SEMA3A: variants seen among roughly 807,000 people sequenced by gnomAD.
The protein encoded by SEMA3A is semaphorin 3A.
Under a neutral mutation model 97.9 loss-of-function variants are expected in SEMA3A, and 29 were observed. The ratio of observed to expected loss-of-function variants is 0.30; its 90% CI spans 0.22 to 0.40. The LOEUF (loss-of-function observed/expected upper bound fraction) is 0.40. Among genes scored for constraint, SEMA3A ranks in the 10% least tolerant of loss-of-function variants. The probability of loss-of-function intolerance (pLI) is 1.00; values close to 1 mark genes in which losing one functional copy is unlikely to be tolerated. For synonymous variants in SEMA3A, 321 were observed against 323.7 expected, an observed-to-expected ratio of 0.99 and a Z score of 0.09; for missense variants, 763 against 951.3, an observed-to-expected ratio of 0.80 and a Z score of 2.60.
intron 1 of SEMA3A, among the ~76,000 whole-genome samples, chr7:84,438,481 A>C (rs1805190416): frequency 6.6e-6 from 1 of 152,076 alleles, no homozygotes; most frequent in African/African-American, 2.4e-5. Flanking sequence ...TACATAGCTA[A>C]ATTTCACTCA....
At position 84,468,761 on chromosome 7, in the gene SEMA3A, G is replaced by GT. The variant is rs570728778; in HGVS notation, c.-246+23698dup. Among the ~76,000 whole-genome samples, 128 of 151,518 alleles carry GT rather than the reference G, an allele frequency of 8.4e-4. 1 individual carries two copies. The highest frequency in any genetic ancestry group is 3.4e-3 in the Middle Eastern group (1 of 292). ...TGGTGCTAAACGATCTGATTTCCAG[G>GT]TTTTCTAATAAAGATTTATAAGTAT... On this transcript the variant is annotated intron_variant, in intron 1 of 3. Coordinates refer to the SEMA3A transcript ENST00000424555.
intron 1 of SEMA3A, among the ~76,000 whole-genome samples, chr7:84,405,756 C>T (rs1321326997): frequency 6.6e-6 from 1 of 152,176 alleles, no homozygotes; most frequent in Non-Finnish European, 1.5e-5. Context: ...CAAAACCACT[C>T]AACTACATGG....
chr7:84,423,998 G>A (rs894915928), intron 1 of SEMA3A, among the ~76,000 whole-genome samples: 1 of 151,810 alleles, frequency 6.6e-6, no homozygotes, highest in Non-Finnish European at 1.5e-5. Flanking sequence ...AACAATAGAT[G>A]TTGGCATGAA....
chr7:84,156,236 G>A (rs1796841997), intron 1 of SEMA3A, among the ~76,000 whole-genome samples: 1 of 152,110 alleles, frequency 6.6e-6, no homozygotes, highest in African/African-American at 2.4e-5. Flanking sequence ...CTTAGGGTGT[G>A]TATCTGACTA....
chr7:83,999,996 T>A (rs1790375631), intron 12 of SEMA3A, among the ~76,000 whole-genome samples: 1 of 152,140 alleles, frequency 6.6e-6, no homozygotes. Flanking sequence ...TTTAATTTCT[T>A]GTATTTATTT....
At chr7:84,245,283 C>T (rs565471932) in intron 3 of SEMA3A, among the ~76,000 whole-genome samples, 12 of 151,708 alleles carry the variant, frequency 7.9e-5, no homozygotes, top group South Asian at 4.2e-4. Context: ...AGGCTTTGTT[C>T]GTTCCTTTTC....
intron 3 of SEMA3A, among the ~76,000 whole-genome samples, chr7:84,291,476 G>T (rs772182145): frequency 2.0e-5 from 3 of 151,722 alleles, no homozygotes; most frequent in Non-Finnish European, 2.9e-5. Flanking sequence ...TTTTCCTTCT[G>T]CATTGCCAAC....
At position 84,312,943 on chromosome 7, in the gene SEMA3A, CGT is replaced by C. The variant is rs113256291; in HGVS notation, c.-168-5653_-168-5652del. Among the ~76,000 whole-genome samples, 905 of 108,262 alleles carry C rather than the reference CGT, an allele frequency of 8.4e-3. 19 individuals are homozygous for C. Among genetic ancestry groups the C allele is most frequent in the African/African-American group, 0.029 (836 of 28,462 alleles). The allele number at this position is 108,262 out of a possible 152,430, so 71.0% of individuals were successfully genotyped here. On this transcript the variant is annotated intron_variant, in intron 2 of 3. Coordinates refer to the SEMA3A transcript ENST00000424555. The stretch of plus-strand genomic sequence containing the variant: ...ATATACACACACACACACACACACA[CGT>C]ACACACATATATGTTACATATTGTA...
At chr7:83,994,108 C>T (rs911578382) in intron 12 of SEMA3A, among the ~76,000 whole-genome samples, 81 of 150,454 alleles carry the variant, frequency 5.4e-4, no homozygotes, top group Non-Finnish European at 8.1e-4. Context: ...TTGATTGCAT[C>T]GGCTCCTGAG....
chr7:84,169,542 C>A (rs1474824422), intron 1 of SEMA3A, among the ~76,000 whole-genome samples: 1 of 148,212 alleles, frequency 6.7e-6, no homozygotes, highest in South Asian at 2.1e-4. Flanking sequence ...TTATATAATA[C>A]TATATATAAT....
At chr7:83,988,036 G>A (rs1324365868) in intron 12 of SEMA3A, among the ~76,000 whole-genome samples, 1 of 151,864 alleles carries the variant, frequency 6.6e-6, no homozygotes, top group Non-Finnish European at 1.5e-5. Flanking sequence ...TTTTTTCTTG[G>A]CTGCTTCCTC....
At chr7:84,001,269 T>G (rs1456118445) in intron 12 of SEMA3A, among the ~76,000 whole-genome samples, 3 of 151,986 alleles carry the variant, frequency 2.0e-5, no homozygotes, top group Non-Finnish European at 4.4e-5. Context: ...TTAGACTACT[T>G]TAGTTCTCCT....
At chr7:84,389,157 C>G (rs916800908) in intron 1 of SEMA3A, among the ~76,000 whole-genome samples, 2 of 151,880 alleles carry the variant, frequency 1.3e-5, no homozygotes, top group African/African-American at 2.4e-5. Flanking sequence ...GACACAAAAT[C>G]AAATGAAGAA....
In SEMA3A at chr7:84,284,601, G is replaced by C. The variant is rs147313427; in HGVS notation, c.-83+22606C>G. On this transcript the variant is annotated intron_variant, in intron 3 of 3. Transcript: ENST00000424555. ...AAATGAAAAGAAAACTTGACCTTCA[G>C]TTTCAGTGTCCCTTTCTGTAAAGAG... 1.2e-4 allele frequency among the ~76,000 whole-genome samples: 18 copies of C among 152,226 alleles called. 1 individual carries two copies. The East Asian group carries it at 3.3e-3, about 28-fold the overall frequency.
chr7:84,304,105 TAAGG>T (rs1402226423), intron 3 of SEMA3A, among the ~76,000 whole-genome samples: 1 of 151,888 alleles, frequency 6.6e-6, no homozygotes, highest in Non-Finnish European at 1.5e-5. Flanking sequence ...GAGGCAGGCA[TAAGG>T]AAGAAAAAAA....
intron 1 of SEMA3A, among the ~76,000 whole-genome samples, chr7:84,421,390 A>G (rs761792018): frequency 6.6e-6 from 1 of 152,042 alleles, no homozygotes; most frequent in Non-Finnish European, 1.5e-5. Flanking sequence ...CTTCAAGTTT[A>G]AGCAAAGGGA....
intron 4 of SEMA3A, among the ~76,000 whole-genome samples, chr7:84,077,440 T>A (rs760686170): frequency 4.6e-5 from 7 of 152,064 alleles, no homozygotes; most frequent in Non-Finnish European, 1.0e-4. Flanking sequence ...AATGTAAATA[T>A]GTCAACAGAA....
chr7:84,213,892 T>TA (rs1798686822), intron 3 of SEMA3A, among the ~76,000 whole-genome samples: 1 of 152,206 alleles, frequency 6.6e-6, no homozygotes, highest in African/African-American at 2.4e-5. Context: ...ATCATGGAAA[T>TA]AGAGGCATTG....
chr7:84,053,632 A>C (rs1341614120), intron 5 of SEMA3A, among the ~76,000 whole-genome samples: 1 of 149,092 alleles, frequency 6.7e-6, no homozygotes, highest in East Asian at 2.0e-4. Context: ...GGTTTCCTGA[A>C]TACAGCACAC....
Sources: allele counts gnomAD v4.1 joint callset (sites outside exome capture counted in the v4.1 genomes callset), GRCh38; gene constraint gnomAD v4.1.1; transcripts MANE v1.5; gene names NCBI Gene and HGNC (gene_info 2026-07-23, HGNC 2026-07-21).